DPY19L3: variants seen among roughly 807,000 people sequenced by gnomAD.
The protein encoded by DPY19L3 is dpy-19 like C-mannosyltransferase 3, also known as protein C-mannosyl-transferase DPY19L3.
A neutral mutation model predicts 92.3 loss-of-function variants in DPY19L3; 51 were observed. The ratio of observed to expected loss-of-function variants is 0.55; its 90% CI spans 0.44 to 0.70. DPY19L3 has a LOEUF of 0.70. DPY19L3 is among the 30% of genes least tolerant of loss of function. The probability of loss-of-function intolerance (pLI) is 0.00; values close to 1 mark genes in which losing one functional copy is unlikely to be tolerated. For missense variants in DPY19L3, 706 were observed against 855.9 expected (o/e 0.82, Z 2.18); for synonymous variants, 309 against 315.2 (o/e 0.98, Z 0.21).
intron 16 of DPY19L3, among the ~76,000 whole-genome samples, chr19:32,476,823 G>A (rs142297639): frequency 1.3e-5 from 2 of 152,194 alleles, no homozygotes; most frequent in Non-Finnish European, 2.9e-5. Flanking sequence ...AAGTATTTGT[G>A]TATCCCCCAT....
chr19:32,439,549 C>T (rs1036773635), intron 7 of DPY19L3, among the ~76,000 whole-genome samples: 6 of 152,114 alleles, frequency 3.9e-5, no homozygotes, highest in African/African-American at 1.2e-4. Flanking sequence ...GGTGCATTAT[C>T]GCCTCCATAA....
chr19:32,408,189 C>G, intron 1 of DPY19L3, 28 bp from the exon 2 acceptor site: 1 of 1,172,812 alleles, frequency 8.5e-7, no homozygotes, highest in Non-Finnish European at 1.3e-6. Context: ...AAGGCACTGA[C>G]GTTGATGGCC....
At position 32,477,522 on chromosome 19, in the gene DPY19L3, C is replaced by T; in HGVS notation, c.1698C>T (p.Asn566=). Residue 566 remains asparagine (N), a splice_region_variant and synonymous_variant, in exon 17 of 19, where the codon AAC becomes AAT. Transcript: ENST00000392250. ...TAATTCAGACTCTAAAATCTTTCAGCTCTAACACTCCAAGAAAGGCTGTGT... is the reference window on the plus strand; with the variant it reads ...TAATTCAGACTCTAAAATCTTTCAGTTCTAACACTCCAAGAAAGGCTGTGT... ...PDTVELMNWI[N]SNTPRKAVFA... is the part of the protein sequence containing the mutation. The T allele has an allele frequency of 6.2e-7, 1 of 1,614,062 alleles. No individual in the cohort carries two copies. Among genetic ancestry groups the T allele is most frequent in the Non-Finnish European group, 8.5e-7 (1 of 1,180,006 alleles).
rs7253039 is a variant in DPY19L3 at position 32,482,171 on chromosome 19, C to T, written c.2082C>T (p.Tyr694=). 278,638 of 1,613,520 alleles carry T rather than the reference C, an allele frequency of 0.17. 24,700 individuals are homozygous for T. Among genetic ancestry groups the T allele is most frequent in the African/African-American group, 0.24 (18,257 of 74,896 alleles). The change falls in exon 19 of 19, where the codon TAC becomes TAT. Residue 694 remains tyrosine (Y), a synonymous_variant. Transcript: ENST00000392250. The part of the protein sequence containing the change: ...CEEIKRNLPP[Y]VAYFTRVFQN... ...AGATCAAAAGAAACCTGCCTCCCTA[C>T]GTGGCCTACTTCACCAGAGTGTTCC...
chr19:32,419,966 TCTC>T (rs1445267236), intron 3 of DPY19L3, among the ~76,000 whole-genome samples: 1 of 151,166 alleles, frequency 6.6e-6, no homozygotes, highest in African/African-American at 2.4e-5. Context: ...TTCACACGGT[TCTC>T]CTGCCTCAGC....
At chr19:32,451,681 A>T (rs1450049856) in intron 8 of DPY19L3, among the ~76,000 whole-genome samples, 1 of 152,190 alleles carries the variant, frequency 6.6e-6, no homozygotes, top group African/African-American at 2.4e-5. Flanking sequence ...TCCACTCTTT[A>T]TTAGGGACTG....
At chr19:32,431,633 G>A (rs766011167) in intron 3 of DPY19L3, among the ~76,000 whole-genome samples, 3 of 152,124 alleles carry the variant, frequency 2.0e-5, no homozygotes, top group Non-Finnish European at 4.4e-5. Flanking sequence ...TAGGATTCAG[G>A]TGTAAAGATG....
chr19:32,459,200 A>G lies in DPY19L3; in HGVS notation c.1322+691A>G, dbSNP rs191979202. ...TGAAAGAAAAAAATCAGGAGTATGA[A>G]GGCTTTTTAAAAACTTGTAAGAATA... On this transcript the variant is annotated intron_variant, in intron 12 of 18. Transcript: ENST00000392250. Among the ~76,000 whole-genome samples, 207 of 152,344 alleles carry G rather than the reference A, an allele frequency of 1.4e-3. 1 individual carries two copies. Among genetic ancestry groups the G allele is most frequent in the African/African-American group, 4.6e-3 (192 of 41,590 alleles).
At chr19:32,473,730 A>G (rs1456624366) in intron 16 of DPY19L3, among the ~76,000 whole-genome samples, 3 of 152,280 alleles carry the variant, frequency 2.0e-5, no homozygotes, top group African/African-American at 7.2e-5. Context: ...AGACAAAGCC[A>G]CATGGCATGG....
rs561530765 is a variant in DPY19L3 at position 32,467,184 on chromosome 19, C to T, written c.1615-1547C>T. 7.3e-4 allele frequency among the ~76,000 whole-genome samples: 111 copies of T among 152,284 alleles called. 1 individual carries two copies. Among genetic ancestry groups the T allele is most frequent in the Middle Eastern group, 3.4e-3 (1 of 294 alleles). ...AATCTCTACTGCTGATTGGTAAAAA[C>T]GGCAGTTAGTTAATTCAGCACTTTC... On this transcript the variant is annotated intron_variant, in intron 15 of 18. Transcript: ENST00000392250.
At position 32,477,643 on chromosome 19, in the gene DPY19L3, C is replaced by T. The variant is rs755005968; in HGVS notation, c.1819C>T (p.Arg607Trp). The T allele has an allele frequency of 8.1e-6, 13 of 1,613,868 alleles. No individual in the cohort carries two copies. Among genetic ancestry groups the T allele is most frequent in the Middle Eastern group, 1.7e-4 (1 of 6,030 alleles). Residue 607 changes from arginine (R) to tryptophan (W), a missense_variant, in exon 17 of 19, where the codon CGG becomes TGG. Physicochemically the swap from Arg to Trp is moderately radical, Grantham distance 101. Transcript: ENST00000392250. ...CTATGAAGACAGCAGCCTGAGAGAG[C>T]GGACCAGAGCGGTGAGGCTCCCCAG... ...PHYEDSSLRE[R>W]TRAVYQIYAK... is the part of the protein sequence containing the mutation.
chr19:32,468,795 A>G lies in DPY19L3; in HGVS notation c.1679A>G (p.Glu560Gly). The change falls in exon 16 of 19, where the codon GAG becomes GGG. Residue 560 changes from glutamate (E) to glycine (G), a missense_variant. Transcript: ENST00000392250. ...LREFYDPDTV[E>G]LMNWINSNTP... ...GAATTCTATGATCCAGATACAGTGG[A>G]GCTGATGAACTGGATTAAGTAAGAG... The G allele has an allele frequency of 1.2e-6, 2 of 1,613,720 alleles. No homozygotes were observed. Among genetic ancestry groups the G allele is most frequent in the Non-Finnish European group, 1.7e-6 (2 of 1,179,804 alleles).
At chr19:32,419,355 G>A (rs958162687) in intron 3 of DPY19L3, among the ~76,000 whole-genome samples, 2 of 151,968 alleles carry the variant, frequency 1.3e-5, no homozygotes, top group African/African-American at 4.8e-5. Context: ...TAGAGACGGA[G>A]TTTCACAGTG....
At position 32,463,875 on chromosome 19, in the gene DPY19L3, G is replaced by T; in HGVS notation, c.1452G>T (p.Lys484Asn). ...CCTGTGTCTGTTCTTGCAGAATGAA[G>T]TACCTCTGGACGTCACACATGTGTG... Reference protein sequence around the residue: ...GFLALSTMRMKYLWTSHMCVF... With the variant: ...GFLALSTMRMNYLWTSHMCVF... Residue 484 changes from lysine (K) to asparagine (N), a missense_variant, in exon 14 of 19, where the codon AAG (lysine) becomes AAT (asparagine). Lys to Asn is a moderately conservative substitution (Grantham distance 94). Transcript: ENST00000392250. The T allele has an allele frequency of 1.2e-6, 2 of 1,612,498 alleles. No individual in the cohort carries two copies. Among genetic ancestry groups the T allele is most frequent in the Non-Finnish European group, 1.7e-6 (2 of 1,178,904 alleles).
intron 10 of DPY19L3, 29 bp from the exon 11 acceptor site, chr19:32,458,071 G>A (rs1213639701): frequency 1.3e-6 from 2 of 1,568,994 alleles, no homozygotes; most frequent in Middle Eastern, 1.7e-4. Flanking sequence ...AGGACTAATA[G>A]CAATTTTTGT....
chr19:32,485,064 G>C lies in DPY19L3; in HGVS notation c.*2824G>C, dbSNP rs1183134331. On this transcript the variant is annotated 3_prime_UTR_variant, in exon 19 of 19. Transcript: ENST00000392250. ...ATTGGTGTGATTTATGTGAGAAGTA[G>C]AACTGTAGTCATTGGACCCTTAGGC... 6.6e-6 allele frequency: 1 copy of C among 152,150 alleles called. No homozygotes were observed. Among genetic ancestry groups the C allele is most frequent in the African/African-American group, 2.4e-5 (1 of 41,434 alleles). The allele number at this position is 152,150 out of a possible 1,614,324, so 9.4% of individuals were successfully genotyped here.
chr19:32,447,854 A>T (rs1287024864), intron 8 of DPY19L3, among the ~76,000 whole-genome samples: 1 of 152,058 alleles, frequency 6.6e-6, no homozygotes, highest in African/African-American at 2.4e-5. Context: ...ATAGATAGAT[A>T]GATAGAGCTG....
At chr19:32,448,395 G>C (rs1284725905) in intron 8 of DPY19L3, among the ~76,000 whole-genome samples, 1 of 152,114 alleles carries the variant, frequency 6.6e-6, no homozygotes, top group Non-Finnish European at 1.5e-5. Context: ...AGGGGCTACT[G>C]GTGCCGATGT....
intron 4 of DPY19L3, among the ~76,000 whole-genome samples, chr19:32,434,349 T>G (rs1479932833): frequency 1.3e-5 from 2 of 152,114 alleles, no homozygotes; most frequent in Non-Finnish European, 2.9e-5. Flanking sequence ...TTTTGCTGTT[T>G]GTTGAAGTTT....
Sources: gnomAD v4.1 joint callset for allele counts (sites outside exome capture counted in the v4.1 genomes callset) on GRCh38, gnomAD v4.1.1 for gene constraint, MANE v1.5 for transcripts, NCBI Gene and HGNC (gene_info 2026-07-23, HGNC 2026-07-21) for gene names.